MGAT4C: variants seen among roughly 807,000 people sequenced by gnomAD.
MGAT4C encodes MGAT4 family member C, also known as alpha-1,3-mannosyl-glycoprotein 4-beta-N-acetylglucosaminyltransferase C.
A neutral mutation model predicts 40.1 loss-of-function variants in MGAT4C; 19 were observed. That is an observed-to-expected ratio of 0.47 (90% CI 0.33 to 0.70). MGAT4C has a LOEUF of 0.70. Ranked by LOEUF, MGAT4C falls within the 30% of genes least tolerant of loss-of-function variation. The probability of loss-of-function intolerance (pLI) is 0.02; values close to 1 mark genes in which losing one functional copy is unlikely to be tolerated. For missense variants in MGAT4C, 491 were observed against 563.2 expected, an observed-to-expected ratio of 0.87 and a Z score of 1.30; for synonymous variants, 181 against 187.1, an observed-to-expected ratio of 0.97 and a Z score of 0.27.
At chr12:86,816,976 T>G (rs1952618848) in intron 1 of MGAT4C, among the ~76,000 whole-genome samples, 1 of 151,256 alleles carries the variant, frequency 6.6e-6, no homozygotes. Context: ...ATTGCTTTCA[T>G]TTTTGGTTTC....
chr12:86,380,942 A>G (rs1476395385), intron 3 of MGAT4C, among the ~76,000 whole-genome samples: 2 of 152,330 alleles, frequency 1.3e-5, no homozygotes, highest in African/African-American at 4.8e-5. Context: ...TTTGAGAAGT[A>G]TATGAAAATA....
chr12:86,295,286 T>C (rs1243941983), intron 4 of MGAT4C, among the ~76,000 whole-genome samples: 2 of 152,224 alleles, frequency 1.3e-5, no homozygotes, highest in African/African-American at 4.8e-5. Flanking sequence ...TGATAACTTT[T>C]ATTTTGCACT....
chr12:86,416,005 C>T (rs1209983790), intron 3 of MGAT4C, among the ~76,000 whole-genome samples: 3 of 151,908 alleles, frequency 2.0e-5, no homozygotes, highest in Non-Finnish European at 4.4e-5. Flanking sequence ...TCATGAAATG[C>T]TATTTAGAGG....
intron 3 of MGAT4C, among the ~76,000 whole-genome samples, chr12:86,343,375 G>A (rs973888185): frequency 6.6e-6 from 1 of 152,108 alleles, no homozygotes; most frequent in Non-Finnish European, 1.5e-5. Context: ...AAGATAGATA[G>A]GAGAAATATA....
At chr12:86,241,651 C>T (rs1189837637) in intron 1 of MGAT4C, among the ~76,000 whole-genome samples, 2 of 152,148 alleles carry the variant, frequency 1.3e-5, no homozygotes, top group East Asian at 3.9e-4. Context: ...AAAAAGATCG[C>T]TTAGATCAGT....
chr12:86,663,854 T>C (rs1964037981), intron 2 of MGAT4C, among the ~76,000 whole-genome samples: 1 of 152,218 alleles, frequency 6.6e-6, no homozygotes, highest in South Asian at 2.1e-4. Context: ...CTCAATTTGC[T>C]ATTTCAAAGC....
chr12:86,493,585 G>T (rs1189302494), intron 2 of MGAT4C, among the ~76,000 whole-genome samples: 1 of 151,386 alleles, frequency 6.6e-6, no homozygotes, highest in Non-Finnish European at 1.5e-5. Flanking sequence ...CTCATAGGTG[G>T]GAATTGAACA....
intron 1 of MGAT4C, among the ~76,000 whole-genome samples, chr12:86,733,211 C>G (rs1950937949): frequency 6.6e-6 from 1 of 152,038 alleles, no homozygotes; most frequent in South Asian, 2.1e-4. Context: ...TTGAGAAGTA[C>G]ATGAGATTTT....
chr12:86,596,258 G>T (rs1273858720), intron 2 of MGAT4C, among the ~76,000 whole-genome samples: 1 of 152,068 alleles, frequency 6.6e-6, no homozygotes, highest in Non-Finnish European at 1.5e-5. Flanking sequence ...AATCATGAAT[G>T]TTGACACCAG....
At chr12:86,242,252 C>T (rs903198494) in intron 1 of MGAT4C, among the ~76,000 whole-genome samples, 1 of 152,056 alleles carries the variant, frequency 6.6e-6, no homozygotes, top group Non-Finnish European at 1.5e-5. Flanking sequence ...CTCCAGAGAA[C>T]GCGTTACAAA....
chr12:86,644,742 T>C (rs932802503), intron 2 of MGAT4C, among the ~76,000 whole-genome samples: 2 of 151,720 alleles, frequency 1.3e-5, no homozygotes, highest in African/African-American at 2.4e-5. Flanking sequence ...ATGAATAGCA[T>C]ATAAAAATAA....
intron 1 of MGAT4C, among the ~76,000 whole-genome samples, chr12:86,744,424 A>C (rs768973997): frequency 2.6e-5 from 4 of 151,574 alleles, no homozygotes. Context: ...ACACTTGTAC[A>C]GTGTTTCAAG....
rs3991314 is a variant in MGAT4C at position 86,074,337 on chromosome 12, T to TATAGATAGATAG, written c.-56-24626_-56-24615dup. ...CATGTGAGTTAATACTTAATAAACA[T>TATAGATAGATAG]ATAGATAGATAGATAGATAGATAGA... On this transcript the variant is annotated intron_variant, in intron 1 of 4. Coordinates refer to ENST00000611864, the MANE Select transcript of MGAT4C (RefSeq NM_001351288.2). Among the ~76,000 whole-genome samples the TATAGATAGATAG allele has an allele frequency of 1.6e-3, 242 of 149,132 alleles. 1 individual carries two copies. Among genetic ancestry groups the TATAGATAGATAG allele is most frequent in the East Asian group, 5.0e-3 (25 of 4,956 alleles).
At position 85,992,978 on chromosome 12, in the gene MGAT4C, G is replaced by A. The variant is rs142078979; in HGVS notation, c.-6-3426C>T. Among the ~76,000 whole-genome samples the A allele has an allele frequency of 3.9e-3, 590 of 152,294 alleles. 2 individuals carry two copies. Among genetic ancestry groups the A allele is most frequent in the Middle Eastern group, 0.017 (5 of 294 alleles). On this transcript the variant is annotated intron_variant, in intron 2 of 4. Transcript: ENST00000611864. ...CAACCCCCTTTGCTCTTCCCTATGC[G>A]GGTTCTCTCTTAAGCTTGCCCCAGC...
intron 3 of MGAT4C, among the ~76,000 whole-genome samples, chr12:86,422,209 C>T (rs889454153): frequency 1.3e-5 from 2 of 152,192 alleles, no homozygotes; most frequent in Admixed American, 6.5e-5. Context: ...TGCCCTTCAA[C>T]CATTCCTATC....
chr12:86,723,521 G>A (rs1950770512), intron 2 of MGAT4C, among the ~76,000 whole-genome samples: 1 of 152,132 alleles, frequency 6.6e-6, no homozygotes, highest in African/African-American at 2.4e-5. Context: ...TTCTTGCTGT[G>A]TTTCTTCACA....
chr12:86,660,840 T>A (rs977437204), intron 2 of MGAT4C, among the ~76,000 whole-genome samples: 1 of 152,174 alleles, frequency 6.6e-6, no homozygotes, highest in Admixed American at 6.6e-5. Context: ...TAGCAAACCA[T>A]AACATGCATG....
Position 86,164,717 on chromosome 12 carries a change from G to GGGGATTTGAAAA in MGAT4C, c.-57+91521_-57+91522insTTTTCAAATCCC, listed in dbSNP as rs1442595939. Among the ~76,000 whole-genome samples the GGGGATTTGAAAA allele has an allele frequency of 6.6e-5, 10 of 152,232 alleles. No homozygotes were observed. The South Asian group carries it at 2.1e-3, about 32-fold the overall frequency. ...ATGTGCATTTGTTTGATGGGCCACA[G>GGGGATTTGAAAA]AGCACGGTACCCTTGGGGATTTGAA... is the stretch of plus-strand genomic sequence containing the variant. On this transcript the variant is annotated intron_variant, in intron 1 of 4. Transcript: ENST00000611864.
intron 1 of MGAT4C, among the ~76,000 whole-genome samples, chr12:86,159,690 A>G (rs1885380377): frequency 6.6e-6 from 1 of 151,966 alleles, no homozygotes; most frequent in African/African-American, 2.4e-5. Context: ...GTTCTTTATT[A>G]CTGATTCAGT....
Sources: allele counts gnomAD v4.1 joint callset (sites outside exome capture counted in the v4.1 genomes callset), GRCh38; gene constraint gnomAD v4.1.1; transcripts MANE v1.5; gene names NCBI Gene and HGNC (gene_info 2026-07-23, HGNC 2026-07-21).